DDX52: variants seen among roughly 807,000 people sequenced by gnomAD.
DDX52 encodes the protein DExD-box helicase 52, also known as probable ATP-dependent RNA helicase DDX52.
Under a neutral mutation model 76.1 loss-of-function variants are expected in DDX52, and 59 were observed. The observed-to-expected ratio is 0.78, with a 90% CI of 0.63 to 0.96. The LOEUF is 0.96. Ranked by LOEUF, DDX52 falls within the 40% of genes least tolerant of loss-of-function variation. The pLI is 0.00. For missense variants in DDX52, 707 were observed against 703.9 expected, an observed-to-expected ratio of 1.00 and a Z score of -0.05; for synonymous variants, 231 against 244.1, an observed-to-expected ratio of 0.95 and a Z score of 0.50.
Position 37,614,227 on chromosome 17 carries a change from C to T in DDX52, c.*69G>A, listed in dbSNP as rs2064399141. 2 of 1,489,734 alleles carry T rather than the reference C, an allele frequency of 1.3e-6. No individual in the cohort carries two copies. Among genetic ancestry groups the T allele is most frequent in the East Asian group, 4.5e-5 (2 of 44,058 alleles). 92.3% of individuals were successfully genotyped at this position (1,489,734 alleles called of 1,614,324 possible). On this transcript the variant is annotated 3_prime_UTR_variant, in exon 15 of 15. Transcript: ENST00000617633. ...AGGTGACTGTAAGACTTCAAGTATT[C>T]CATGAAAATAACATTCATGCTGGGA...
intron 8 of DDX52, 27 bp downstream of exon 8, chr17:37,625,868 T>G: frequency 1.9e-6 from 3 of 1,611,916 alleles, no homozygotes; most frequent in South Asian, 1.1e-5. Context: ...AAAATCAGTG[T>G]GATAATGTTG....
intron 2 of DDX52, among the ~76,000 whole-genome samples, chr17:37,635,068 G>C (rs1262118141): frequency 6.6e-6 from 1 of 151,962 alleles, no homozygotes; most frequent in Admixed American, 6.6e-5. Context: ...CAAAGTTTTG[G>C]GATTACAGGT....
intron 14 of DDX52, among the ~76,000 whole-genome samples, chr17:37,615,866 T>C (rs2064419043): frequency 6.6e-6 from 1 of 151,698 alleles, no homozygotes; most frequent in Non-Finnish European, 1.5e-5. Flanking sequence ...ATACAAAAAT[T>C]AGCTGGGCAT....
chr17:37,625,893 ACCTTGCTCC>A lies in DDX52; in HGVS notation c.1129_1136+1del, dbSNP rs1375741426. ...TGATAATGTTGAGAAACAATTAAATACCTTGCTCCAATGGACACACTGATGACATTGTCC... is the reference window on the plus strand; with the variant it reads ...TGATAATGTTGAGAAACAATTAAATAAATGGACACACTGATGACATTGTCC... On this transcript the variant is annotated splice_donor_variant and coding_sequence_variant, in exon 8 of 15. Transcript: ENST00000617633. LOFTEE classifies it high-confidence loss of function. 6.2e-7 allele frequency: 1 copy of A among 1,613,850 alleles called. No individual in the cohort carries two copies. Among genetic ancestry groups the A allele is most frequent in the East Asian group, 2.2e-5 (1 of 44,894 alleles).
intron 12 of DDX52, chr17:37,620,312 T>C (rs2147339788): frequency 6.1e-6 from 1 of 162,776 alleles, no homozygotes; most frequent in East Asian, 1.8e-4. Context: ...ATTTGGGTCA[T>C]GGGATTCACA....
intron 12 of DDX52, chr17:37,620,051 A>G (rs1477985498): frequency 4.3e-6 from 2 of 465,984 alleles, no homozygotes; most frequent in Non-Finnish European, 7.6e-6. Flanking sequence ...ATGAATAACT[A>G]TAGATAGCAG....
chr17:37,613,058 A>G lies in DDX52; in HGVS notation c.*1238T>C, dbSNP rs535863819. 6.6e-6 allele frequency: 1 copy of G among 152,330 alleles called. No homozygotes were observed. The highest frequency in any genetic ancestry group is 6.5e-5 in the Admixed American group (1 of 15,294). The allele number at this position is 152,330 out of a possible 1,614,324, so 9.4% of individuals were successfully genotyped here. A position where few individuals can be genotyped will look rare whatever the true frequency, so the allele number is the denominator to read the frequency against. ...TTCAAAGCAAAGTCCACCTGTTCTG[A>G]CTCTAGAACAAAAAGCTACAAATAG... On this transcript the variant is annotated 3_prime_UTR_variant, in exon 15 of 15. Transcript: ENST00000617633.
intron 2 of DDX52, among the ~76,000 whole-genome samples, chr17:37,639,024 C>T (rs1448218038): frequency 3.3e-5 from 5 of 152,054 alleles, no homozygotes; most frequent in South Asian, 4.1e-4. Context: ...AGCCCGCCTC[C>T]GCCTCCCAAA....
chr17:37,619,752 A>G lies in DDX52; in HGVS notation c.1649+16T>C. On this transcript the variant is annotated intron_variant, in intron 13 of 14. Transcript: ENST00000617633. ...CAAAGAGACAGACAAAGATACAGGTAAATTCAAGATTGTACCTTAGTAGTT... is the reference window on the plus strand; with the variant it reads ...CAAAGAGACAGACAAAGATACAGGTGAATTCAAGATTGTACCTTAGTAGTT... 1 of 1,602,036 alleles carries G rather than the reference A, an allele frequency of 6.2e-7. No individual in the cohort carries two copies.
intron 14 of DDX52, among the ~76,000 whole-genome samples, chr17:37,615,790 C>T (rs904819495): frequency 1.3e-5 from 2 of 151,716 alleles, no homozygotes. Context: ...CCGAGGCGGG[C>T]GGATCACAAG....
chr17:37,637,818 C>A lies in DDX52; in HGVS notation c.286+4292G>T, dbSNP rs1437484025. 2.0e-5 allele frequency among the ~76,000 whole-genome samples: 3 copies of A among 152,172 alleles called. No individual in the cohort carries two copies. In the East Asian group the frequency reaches 5.8e-4, roughly 29 times the overall value. ...CGAACTCCTAACCTCAGGTGATCCACCCACCTCGGCATCCCAAAGTGCTGG... is the reference window on the plus strand; with the variant it reads ...CGAACTCCTAACCTCAGGTGATCCAACCACCTCGGCATCCCAAAGTGCTGG... On this transcript the variant is annotated intron_variant, in intron 2 of 14. Transcript: ENST00000617633.
intron 2 of DDX52, among the ~76,000 whole-genome samples, chr17:37,633,999 G>C (rs1476152411): frequency 6.9e-6 from 1 of 144,002 alleles, no homozygotes; most frequent in African/African-American, 2.6e-5. Flanking sequence ...AGGCTGAAGT[G>C]CAGTGGTGCG....
At chr17:37,633,731 A>C (rs1346108440) in intron 2 of DDX52, among the ~76,000 whole-genome samples, 1 of 152,008 alleles carries the variant, frequency 6.6e-6, no homozygotes, top group African/African-American at 2.4e-5. Flanking sequence ...CACACTAAAA[A>C]AGGAAAAAGT....
At chr17:37,635,024 C>T (rs2030863472) in intron 2 of DDX52, among the ~76,000 whole-genome samples, 1 of 151,968 alleles carries the variant, frequency 6.6e-6, no homozygotes, top group South Asian at 2.1e-4. Flanking sequence ...TGGTCTCAAA[C>T]TCCTGACCTC....
At chr17:37,632,779 T>G (rs1201224496) in intron 3 of DDX52, among the ~76,000 whole-genome samples, 1 of 152,224 alleles carries the variant, frequency 6.6e-6, no homozygotes, top group Non-Finnish European at 1.5e-5. Context: ...ATCCCTGAAG[T>G]GAGCTGAATA....
Position 37,619,752 on chromosome 17 carries a change from A to C in DDX52, c.1649+16T>G, listed in dbSNP as rs989875698. 1 of 1,601,918 alleles carries C rather than the reference A, an allele frequency of 6.2e-7. No homozygotes were observed. Among genetic ancestry groups the C allele is most frequent in the African/African-American group, 1.4e-5 (1 of 73,898 alleles). On this transcript the variant is annotated intron_variant, in intron 13 of 14. Coordinates refer to ENST00000617633, the MANE Select transcript of DDX52 (RefSeq NM_007010.5). ...CAAAGAGACAGACAAAGATACAGGT[A>C]AATTCAAGATTGTACCTTAGTAGTT...
chr17:37,622,001 C>A (rs1014267159), intron 9 of DDX52, among the ~76,000 whole-genome samples: 8 of 152,070 alleles, frequency 5.3e-5, no homozygotes, highest in Non-Finnish European at 8.8e-5. Context: ...GTACCCATCA[C>A]CCCAATGGTG....
In DDX52 at chr17:37,625,940, C is replaced by A. The variant is rs768440587; in HGVS notation, c.1091G>T (p.Cys364Phe). ...ATFAYDVEQW[C>F]KLNLDNVISV... ...GATGACATTGTCCAGGTTGAGTTTG[C>A]ACCACTGTTCAACATCATATGCAAA... The change falls in exon 8 of 15, where the codon TGC becomes TTC. Residue 364 changes from cysteine (C) to phenylalanine (F), a missense_variant. Cys to Phe is a radical substitution (Grantham distance 205, BLOSUM62 -2). Coordinates refer to ENST00000617633, the MANE Select transcript of DDX52 (RefSeq NM_007010.5). 6 of 1,614,074 alleles carry A rather than the reference C, an allele frequency of 3.7e-6. No individual in the cohort carries two copies. Among genetic ancestry groups the A allele is most frequent in the Non-Finnish European group, 5.1e-6 (6 of 1,179,990 alleles).
At chr17:37,641,349 C>T (rs1377585869) in intron 2 of DDX52, among the ~76,000 whole-genome samples, 10 of 151,442 alleles carry the variant, frequency 6.6e-5, no homozygotes, top group African/African-American at 2.2e-4. Context: ...TTGCAGTGAG[C>T]CGAGATTGCA....
Sources: allele counts gnomAD v4.1 joint callset (sites outside exome capture counted in the v4.1 genomes callset), GRCh38; gene constraint gnomAD v4.1.1; transcripts MANE v1.5; gene names NCBI Gene and HGNC (gene_info 2026-07-23, HGNC 2026-07-21).